KLHL29: variants seen among roughly 807,000 people sequenced by gnomAD.
KLHL29 encodes kelch like family member 29, also known as kelch-like protein 29.
KLHL29 carries 21 observed loss-of-function variants against 80.4 expected under a neutral mutation model. The ratio of observed to expected loss-of-function variants is 0.26; its 90% confidence interval spans 0.19 to 0.38. KLHL29 has a LOEUF of 0.38. Ranked by LOEUF, KLHL29 falls within the 10% of genes least tolerant of loss-of-function variation. KLHL29 has a pLI of 1.00. For synonymous variants in KLHL29, 511 were observed against 526.8 expected, an observed-to-expected ratio of 0.97 and a Z score of 0.41; for missense variants, 867 against 1,223.9, an observed-to-expected ratio of 0.71 and a Z score of 4.35.
At chr2:23,589,830 A>G (rs1014762972) in intron 3 of KLHL29, among the ~76,000 whole-genome samples, 1 of 152,148 alleles carries the variant, frequency 6.6e-6, no homozygotes, top group Non-Finnish European at 1.5e-5. Context: ...GGACTCAGTG[A>G]CCTTTAAAGG....
chr2:23,594,545 C>G (rs1668350335), intron 3 of KLHL29, among the ~76,000 whole-genome samples: 2 of 152,216 alleles, frequency 1.3e-5, no homozygotes, highest in South Asian at 4.1e-4. Context: ...TTCTCCATCT[C>G]TCCTGCCGTT....
At chr2:23,655,028 C>G (rs1477292983) in intron 5 of KLHL29, among the ~76,000 whole-genome samples, 1 of 152,210 alleles carries the variant, frequency 6.6e-6, no homozygotes, top group Non-Finnish European at 1.5e-5. Flanking sequence ...TGATACTTCT[C>G]TGTATAAGCT....
At chr2:23,602,925 G>A (rs1668609627) in intron 3 of KLHL29, among the ~76,000 whole-genome samples, 1 of 152,182 alleles carries the variant, frequency 6.6e-6, no homozygotes, top group Admixed American at 6.5e-5. Flanking sequence ...AGGCCAGCTT[G>A]GACTTGCCAG....
At chr2:23,435,696 C>A (rs948951668) in intron 1 of KLHL29, among the ~76,000 whole-genome samples, 4 of 152,182 alleles carry the variant, frequency 2.6e-5, no homozygotes, top group Admixed American at 1.3e-4. Context: ...CTGAACATCA[C>A]CCTCTGCCTT....
chr2:23,421,752 A>G (rs11125023), intron 1 of KLHL29, among the ~76,000 whole-genome samples: 71,202 of 141,140 alleles, frequency 0.5, 17,727 homozygotes, highest in African/African-American at 0.68. Context: ...GTGTGTGTTC[A>G]TGTGTGTGTG....
At chr2:23,402,915 G>A (rs1553318839) in intron 1 of KLHL29, among the ~76,000 whole-genome samples, 1 of 150,020 alleles carries the variant, frequency 6.7e-6, no homozygotes, top group Non-Finnish European at 1.5e-5. Flanking sequence ...CTATGTATGT[G>A]TATATATCTT....
chr2:23,456,783 C>T (rs1572332512), intron 1 of KLHL29, among the ~76,000 whole-genome samples: 1 of 152,240 alleles, frequency 6.6e-6, no homozygotes, highest in East Asian at 1.9e-4. Context: ...GGTAGCTATG[C>T]CTGCACTTGG....
chr2:23,678,751 A>G (rs565613552), intron 5 of KLHL29, among the ~76,000 whole-genome samples: 2 of 152,382 alleles, frequency 1.3e-5, no homozygotes, highest in South Asian at 4.1e-4. Flanking sequence ...GGAAATCCTG[A>G]TGCATGCTAC....
intron 1 of KLHL29, among the ~76,000 whole-genome samples, chr2:23,398,607 C>T (rs147065552): frequency 5.3e-5 from 8 of 152,250 alleles, no homozygotes; most frequent in Non-Finnish European, 8.8e-5. Context: ...ATACTGTCAG[C>T]CGTGGTCAAC....
chr2:23,657,871 G>C (rs1558427337), intron 5 of KLHL29, among the ~76,000 whole-genome samples: 2 of 152,216 alleles, frequency 1.3e-5, no homozygotes, highest in Non-Finnish European at 2.9e-5. Flanking sequence ...GCAGGAGCAG[G>C]AAGGCTGAAG....
chr2:23,649,156 C>T (rs1050371692), intron 5 of KLHL29, among the ~76,000 whole-genome samples: 1 of 152,150 alleles, frequency 6.6e-6, no homozygotes, highest in Non-Finnish European at 1.5e-5. Flanking sequence ...AAAATAATCT[C>T]CCAAGTCTGA....
intron 5 of KLHL29, among the ~76,000 whole-genome samples, chr2:23,674,424 G>A (rs1259375846): frequency 4.6e-5 from 7 of 152,070 alleles, no homozygotes; most frequent in Non-Finnish European, 7.4e-5. Context: ...GGGCACCCTC[G>A]AACCCCTATA....
chr2:23,688,094 G>A (rs1229112542), intron 6 of KLHL29, among the ~76,000 whole-genome samples: 1 of 152,178 alleles, frequency 6.6e-6, no homozygotes, highest in Non-Finnish European at 1.5e-5. Context: ...GTGGACAGGT[G>A]TGGCTTGGAA....
Position 23,634,856 on chromosome 2 carries a change from G to GCATT in KLHL29, c.286-4263_286-4260dup, listed in dbSNP as rs570276807. Among the ~76,000 whole-genome samples the GCATT allele has an allele frequency of 4.8e-3, 728 of 152,268 alleles. 5 individuals carry two copies. Among genetic ancestry groups the GCATT allele is most frequent in the African/African-American group, 0.017 (687 of 41,544 alleles). Reference sequence around the variant, plus strand: ...TCACTCTCCCTGGAATCCACCCTGTGCATTCATTCATTCATTCATTCATCG... The same window carrying GCATT: ...TCACTCTCCCTGGAATCCACCCTGTGCATTCATTCATTCATTCATTCATTCATCG... On this transcript the variant is annotated intron_variant, in intron 3 of 13. Coordinates refer to ENST00000486442, the MANE Select transcript of KLHL29 (RefSeq NM_052920.2).
At chr2:23,573,829 T>C (rs1464238690) in intron 3 of KLHL29, among the ~76,000 whole-genome samples, 1 of 152,188 alleles carries the variant, frequency 6.6e-6, no homozygotes, top group Non-Finnish European at 1.5e-5. Flanking sequence ...CGGCCTCTCT[T>C]TCTTTCTGAG....
intron 1 of KLHL29, among the ~76,000 whole-genome samples, chr2:23,462,410 CAA>C (rs1235589915): frequency 3.9e-5 from 6 of 152,166 alleles, no homozygotes; most frequent in African/African-American, 1.4e-4. Flanking sequence ...TTCACAGCCC[CAA>C]ATGATCCCCA....
In KLHL29 at chr2:23,596,535, A is replaced by G. The variant is rs910009017; in HGVS notation, c.285+34054A>G. Reference sequence around the variant, plus strand: ...CTGTCCTTGCACACAACGTGGCTTAAGTCTAAACAGAAAATAGACCTCACG... The same window carrying G: ...CTGTCCTTGCACACAACGTGGCTTAGGTCTAAACAGAAAATAGACCTCACG... On this transcript the variant is annotated intron_variant, in intron 3 of 13. Transcript: ENST00000486442. The surrounding 1 kb of genome is among the most constrained non-coding windows in gnomAD (Gnocchi z 4.4). Among the ~76,000 whole-genome samples, 1 of 152,220 alleles carries G rather than the reference A, an allele frequency of 6.6e-6. No individual in the cohort carries two copies. The highest frequency in any genetic ancestry group is 2.4e-5 in the African/African-American group (1 of 41,450).
chr2:23,613,796 C>G (rs1428997634), intron 3 of KLHL29, among the ~76,000 whole-genome samples: 1 of 108,932 alleles, frequency 9.2e-6, no homozygotes, highest in Admixed American at 8.8e-5. Context: ...AAAAACCCAC[C>G]ACTCTCAGCT....
At chr2:23,465,627 C>A (rs1664329108) in intron 1 of KLHL29, among the ~76,000 whole-genome samples, 1 of 152,212 alleles carries the variant, frequency 6.6e-6, no homozygotes, top group Non-Finnish European at 1.5e-5. Context: ...TGTCCTGTCT[C>A]ATACCCTAGT....
Sources: allele counts gnomAD v4.1 joint callset (sites outside exome capture counted in the v4.1 genomes callset), GRCh38; gene constraint gnomAD v4.1.1; non-coding constraint Gnocchi (gnomAD v3.1); transcripts MANE v1.5; gene names NCBI Gene and HGNC (gene_info 2026-07-23, HGNC 2026-07-21).